The following SOCS2 variants were observed in gnomAD, a reference collection of about 807,000 sequenced individuals.
SOCS2 encodes the protein suppressor of cytokine signaling 2, also known as CIS-2.
SOCS2 carries 10 observed loss-of-function variants against 18.6 expected under a neutral mutation model. That is an observed-to-expected ratio of 0.54 (90% confidence interval 0.33 to 0.91). The LOEUF is 0.91. SOCS2 is among the 40% of genes least tolerant of loss of function. SOCS2 has a pLI of 0.02. For synonymous variants in SOCS2, 104 were observed against 104.0 expected, an observed-to-expected ratio of 1.00 and a Z score of 0.00; for missense variants, 231 against 247.2, an observed-to-expected ratio of 0.93 and a Z score of 0.44.
At chr12:93,612,778 T>C in the SOCS2 span, among the ~76,000 whole-genome samples, 2 of 152,318 alleles carry the variant, frequency 1.3e-5, no homozygotes, top group African/African-American at 4.8e-5. Context: ...GGTAGTATCA[T>C]TGGTAATTTC....
At chr12:93,619,286 G>A in the SOCS2 span, among the ~76,000 whole-genome samples, 2,755 of 152,224 alleles carry the variant, frequency 0.018, 99 homozygotes, top group African/African-American at 0.063. Context: ...TCCTGGCCAA[G>A]CCCAACTGGA....
chr12:93,577,966 A>G (rs915177903), downstream of SOCS2, among the ~76,000 whole-genome samples: 1 of 152,198 alleles, frequency 6.6e-6, no homozygotes, highest in Admixed American at 6.5e-5. Flanking sequence ...GAGGATATTT[A>G]TTATTGTTGT....
chr12:93,620,917 G>C, the SOCS2 span, among the ~76,000 whole-genome samples: 6 of 152,154 alleles, frequency 3.9e-5, no homozygotes, highest in South Asian at 1.0e-3. Flanking sequence ...GGATACCTTT[G>C]GGAAGCCCAC....
At chr12:93,614,484 C>CTTCT in the SOCS2 span, among the ~76,000 whole-genome samples, 1 of 23,798 alleles carries the variant, frequency 4.2e-5, no homozygotes, top group Non-Finnish European at 7.1e-5. Context: ...CCTTCCTTTC[C>CTTCT]TTCCTTCCTT....
the SOCS2 span, among the ~76,000 whole-genome samples, chr12:93,598,915 A>C: frequency 6.6e-6 from 1 of 152,120 alleles, no homozygotes; most frequent in Non-Finnish European, 1.5e-5. Flanking sequence ...ATAGTTCAAA[A>C]TTGCTCTCCA....
chr12:93,578,897 AGCCAG>A (rs1161797312), downstream of SOCS2, among the ~76,000 whole-genome samples: 6 of 152,180 alleles, frequency 3.9e-5, no homozygotes, highest in Non-Finnish European at 8.8e-5. Context: ...GGGATTCAGA[AGCCAG>A]GCCTGTGGAA....
the SOCS2 span, among the ~76,000 whole-genome samples, chr12:93,621,698 G>A: frequency 6.6e-6 from 1 of 151,916 alleles, no homozygotes; most frequent in Non-Finnish European, 1.5e-5. Flanking sequence ...TGTTCAGGCT[G>A]GTCTTGAACC....
At chr12:93,620,357 C>A in the SOCS2 span, among the ~76,000 whole-genome samples, 1 of 152,060 alleles carries the variant, frequency 6.6e-6, no homozygotes, top group African/African-American at 2.4e-5. Context: ...GGATGGCATC[C>A]CCCATCGCCT....
the SOCS2 span, among the ~76,000 whole-genome samples, chr12:93,601,954 A>G: frequency 6.6e-6 from 1 of 152,224 alleles, no homozygotes; most frequent in Non-Finnish European, 1.5e-5. Flanking sequence ...TAACAACCTT[A>G]TATCACTTGC....
At chr12:93,571,754 T>A (rs1954260633), upstream of SOCS2, 1 of 323,812 alleles carries the variant, frequency 3.1e-6, no homozygotes, top group Admixed American at 4.1e-5. Context: ...TCCCCGGGCA[T>A]CTCGTTCCCA....
downstream of SOCS2, among the ~76,000 whole-genome samples, chr12:93,586,906 A>C (rs1450129522): frequency 6.6e-6 from 1 of 152,170 alleles, no homozygotes; most frequent in Non-Finnish European, 1.5e-5. Context: ...AGTGGCTCAC[A>C]CCTGTAATCC....
At chr12:93,623,518 G>A in the SOCS2 span, among the ~76,000 whole-genome samples, 1 of 152,064 alleles carries the variant, frequency 6.6e-6, no homozygotes, top group African/African-American at 2.4e-5. Flanking sequence ...ATGCTGGTGT[G>A]CTGCACCGGG....
At chr12:93,601,645 C>T in the SOCS2 span, among the ~76,000 whole-genome samples, 1 of 152,148 alleles carries the variant, frequency 6.6e-6, no homozygotes, top group African/African-American at 2.4e-5. Flanking sequence ...GTTCATATTG[C>T]TTATAAGTAG....
the SOCS2 span, among the ~76,000 whole-genome samples, chr12:93,604,552 G>A: frequency 2.0e-5 from 3 of 152,144 alleles, no homozygotes; most frequent in Admixed American, 2.0e-4. Context: ...AACTGTGGTG[G>A]GTATTTTAGA....
At chr12:93,616,843 A>C in the SOCS2 span, among the ~76,000 whole-genome samples, 2 of 152,228 alleles carry the variant, frequency 1.3e-5, no homozygotes. Context: ...GGGGAAGTAC[A>C]TGTGACTAGA....
At chr12:93,613,336 A>G in the SOCS2 span, among the ~76,000 whole-genome samples, 3 of 152,172 alleles carry the variant, frequency 2.0e-5, no homozygotes, top group East Asian at 3.9e-4. Context: ...TCAATGCTTT[A>G]TTTCTGCAGC....
At chr12:93,604,243 T>C in the SOCS2 span, among the ~76,000 whole-genome samples, 8 of 152,106 alleles carry the variant, frequency 5.3e-5, no homozygotes, top group African/African-American at 1.7e-4. Flanking sequence ...TCACTGTTAA[T>C]CCTCTGATGT....
At chr12:93,623,632 G>A in the SOCS2 span, among the ~76,000 whole-genome samples, 1 of 152,092 alleles carries the variant, frequency 6.6e-6, no homozygotes, top group Admixed American at 6.6e-5. Context: ...GCTGTATAGA[G>A]ACATGGGCAC....
chr12:93,600,704 A>T, the SOCS2 span, among the ~76,000 whole-genome samples: 27 of 150,808 alleles, frequency 1.8e-4, no homozygotes, highest in African/African-American at 6.4e-4. Context: ...TCTGTTTATA[A>T]GTTACGTAAA....
Sources: allele counts gnomAD v4.1 joint callset (sites outside exome capture counted in the v4.1 genomes callset), GRCh38; gene constraint gnomAD v4.1.1; transcripts MANE v1.5; gene names NCBI Gene and HGNC (gene_info 2026-07-23, HGNC 2026-07-21).